Variants in DNAJC13 observed in about 807,000 individuals in gnomAD.
DNAJC13 encodes the protein DnaJ heat shock protein family (Hsp40) member C13, also known as dnaJ homolog subfamily C member 13.
Under a neutral mutation model 290.5 loss-of-function variants are expected in DNAJC13, and 75 were observed. That is an observed-to-expected ratio of 0.26 (90% CI 0.21 to 0.31). The LOEUF (loss-of-function observed/expected upper bound fraction) is 0.31. DNAJC13 is among the 10% of genes least tolerant of loss of function. The probability of loss-of-function intolerance (pLI) is 1.00; values close to 1 mark genes in which losing one functional copy is unlikely to be tolerated. For missense variants in DNAJC13, 2,260 were observed against 2,674.5 expected, an observed-to-expected ratio of 0.85 and a Z score of 3.42; for synonymous variants, 862 against 892.0, an observed-to-expected ratio of 0.97 and a Z score of 0.60.
chr3:132,496,976 G>T (rs527894816), intron 36 of DNAJC13, among the ~76,000 whole-genome samples: 1 of 152,130 alleles, frequency 6.6e-6, no homozygotes, highest in Non-Finnish European at 1.5e-5. Flanking sequence ...AGACAGAATG[G>T]AATCTGGAAT....
At chr3:132,513,631 A>G (rs1474921020) in intron 45 of DNAJC13, among the ~76,000 whole-genome samples, 5 of 152,172 alleles carry the variant, frequency 3.3e-5, no homozygotes, top group Non-Finnish European at 5.9e-5. Flanking sequence ...GGAGTTGCCT[A>G]AAAAGGCCAA....
intron 43 of DNAJC13, among the ~76,000 whole-genome samples, chr3:132,507,953 G>C (rs965056250): frequency 4.6e-5 from 7 of 152,192 alleles, no homozygotes; most frequent in Non-Finnish European, 1.0e-4. Flanking sequence ...TGCCTCTTGT[G>C]CCACACAGCC....
At chr3:132,418,982 G>T (rs1353634472) in intron 1 of DNAJC13, among the ~76,000 whole-genome samples, 3 of 152,152 alleles carry the variant, frequency 2.0e-5, no homozygotes, top group Non-Finnish European at 4.4e-5. Context: ...TTGATTTTTG[G>T]AAAGTACTTT....
Position 132,493,075 on chromosome 3 carries a change from T to C in DNAJC13, c.3825+460T>C, listed in dbSNP as rs539078086. Among the ~76,000 whole-genome samples, 17 of 152,182 alleles carry C rather than the reference T, an allele frequency of 1.1e-4. No homozygotes were observed. In the South Asian group the frequency reaches 2.9e-3, roughly 26 times the overall value. On this transcript the variant is annotated intron_variant, in intron 33 of 55. Coordinates refer to ENST00000260818, the MANE Select transcript of DNAJC13 (RefSeq NM_015268.4). ...AACTTCAGTTCTCATCTCTAAAATA[T>C]TGGTAATAATAGCAGCTATCTGGTG...
intron 3 of DNAJC13, among the ~76,000 whole-genome samples, 175 bp downstream of exon 3, chr3:132,446,725 T>C (rs1933253322): frequency 7.6e-6 from 1 of 130,938 alleles, no homozygotes; most frequent in Non-Finnish European, 1.6e-5. Context: ...AAATAATAAA[T>C]AAACAGGAGG....
In DNAJC13 at chr3:132,508,017, A is replaced by G. The variant is rs556966066; in HGVS notation, c.5115+664A>G. Among the ~76,000 whole-genome samples, 6 of 152,348 alleles carry G rather than the reference A, an allele frequency of 3.9e-5. No homozygotes were observed. The East Asian group carries it at 5.8e-4, about 15-fold the overall frequency. On this transcript the variant is annotated intron_variant, in intron 43 of 55. Transcript: ENST00000260818. ...GAAGGAAATTAAAAGTGCTCCTCCA[A>G]TGAATACATGAATGACAAGAAATTG...
At position 132,434,636 on chromosome 3, in the gene DNAJC13, G is replaced by GTT; in HGVS notation, c.68+26_68+27dup. On this transcript the variant is annotated intron_variant, in intron 2 of 55. Coordinates refer to ENST00000260818, the MANE Select transcript of DNAJC13 (RefSeq NM_015268.4). ...AGGGGGAAGTAAGTATTCTTGTTGGGTTTTTTTTTCTGTGCTTCTATAAAA... is the reference window on the plus strand; with the variant it reads ...AGGGGGAAGTAAGTATTCTTGTTGGGTTTTTTTTTTTCTGTGCTTCTATAAAA... 3 of 1,558,284 alleles carry GTT rather than the reference G, an allele frequency of 1.9e-6. No homozygotes were observed. The highest frequency in any genetic ancestry group is 1.2e-5 in the South Asian group (1 of 84,578).
chr3:132,454,314 A>ATTTTTTTTT (rs71622093), intron 9 of DNAJC13, among the ~76,000 whole-genome samples, 157 bp downstream of exon 9: 4 of 86,122 alleles, frequency 4.6e-5, no homozygotes, highest in Non-Finnish European at 6.4e-5. Flanking sequence ...CCCATTTTCA[A>ATTTTTTTTT]TTTTTTTTTT....
At chr3:132,485,657 C>A (rs963207807) in intron 29 of DNAJC13, among the ~76,000 whole-genome samples, 1 of 152,172 alleles carries the variant, frequency 6.6e-6, no homozygotes, top group East Asian at 1.9e-4. Flanking sequence ...CAGGGGTGGA[C>A]TTGGTGGTTC....
At position 132,477,995 on chromosome 3, in the gene DNAJC13, A is replaced by G. The variant is rs387907571; in HGVS notation, c.2564A>G (p.Asn855Ser). ...GSIKRSYEFF[N>S]ELYHRFLLTP... ...TTAAAATCTAGGTATGAATTTTTCA[A>G]TGAGCTTTATCATCGCTTCTTGCTC... is the stretch of plus-strand genomic sequence containing the variant. Residue 855 changes from asparagine to serine, a missense_variant, in exon 24 of 56, where the codon AAT becomes AGT. Asn to Ser is a conservative substitution (Grantham distance 46, BLOSUM62 1). Around this residue, in one of 3 missense-constraint regions of DNAJC13, gnomAD observed 1,494 missense variants for 1,693.7 expected, o/e 0.88. Transcript: ENST00000260818. 26 of 1,601,840 alleles carry G rather than the reference A, an allele frequency of 1.6e-5. No homozygotes were observed. The highest frequency in any genetic ancestry group is 3.5e-5 in the Admixed American group (2 of 57,018).
At chr3:132,463,231 G>A (rs560726567) in intron 16 of DNAJC13, among the ~76,000 whole-genome samples, 1 of 152,210 alleles carries the variant, frequency 6.6e-6, no homozygotes, top group African/African-American at 2.4e-5. Flanking sequence ...TTAAGTAGCT[G>A]TAAATATATA....
intron 1 of DNAJC13, among the ~76,000 whole-genome samples, chr3:132,427,737 T>G (rs745664348): frequency 6.6e-6 from 1 of 152,166 alleles, no homozygotes; most frequent in Non-Finnish European, 1.5e-5. Context: ...AATGCTGTAT[T>G]AGGTACAAGA....
rs1403981080 is a variant in DNAJC13, at chr3:132,514,621, A to G, written c.5436A>G (p.Glu1812=). The change falls in exon 46 of 56, where the codon GAA becomes GAG. Residue 1812 remains glutamate (E), a synonymous_variant. Coordinates refer to ENST00000260818, the MANE Select transcript of DNAJC13 (RefSeq NM_015268.4). ...SNQDCVNNIA[E]SMVLSSLLAL... is the part of the protein sequence containing the mutation. ...AAGACTGTGTCAACAATATTGCTGA[A>G]TCAATGGTTTTGTCCAGTTTATTGG... 6.2e-7 allele frequency: 1 copy of G among 1,612,052 alleles called. No individual in the cohort carries two copies. The highest frequency in any genetic ancestry group is 1.3e-5 in the African/African-American group (1 of 74,822).
chr3:132,467,744 C>T (rs1002740196), intron 20 of DNAJC13, among the ~76,000 whole-genome samples: 21 of 152,206 alleles, frequency 1.4e-4, no homozygotes, highest in African/African-American at 2.6e-4. Context: ...GGATTACAGG[C>T]GTGAGCCACC....
chr3:132,468,384 G>A (rs1335213552), intron 20 of DNAJC13, among the ~76,000 whole-genome samples: 1 of 152,188 alleles, frequency 6.6e-6, no homozygotes, highest in Non-Finnish European at 1.5e-5. Context: ...GAATACGTAA[G>A]CATAGCAGAA....
intron 19 of DNAJC13, among the ~76,000 whole-genome samples, chr3:132,466,637 T>C (rs747882621): frequency 6.6e-6 from 1 of 152,220 alleles, no homozygotes; most frequent in Non-Finnish European, 1.5e-5. Flanking sequence ...CACAAATTAA[T>C]GTTATGAATA....
chr3:132,417,996 C>CT lies in DNAJC13; in HGVS notation c.-14+244dup, dbSNP rs934162144. On this transcript the variant is annotated intron_variant, in intron 1 of 55. Transcript: ENST00000260818. Reference sequence around the variant, plus strand: ...GGCGCTGCCCTGTCCAGCCCCACCCCTTTTTTTTGCTTGTTTTATACCTAG... The same window carrying CT: ...GGCGCTGCCCTGTCCAGCCCCACCCCTTTTTTTTTGCTTGTTTTATACCTAG... Among the ~76,000 whole-genome samples, 29 of 152,048 alleles carry CT rather than the reference C, an allele frequency of 1.9e-4. No homozygotes were observed. In the South Asian group the frequency reaches 2.1e-3, roughly 11 times the overall value.
At chr3:132,510,797 G>A (rs1159947845) in intron 43 of DNAJC13, among the ~76,000 whole-genome samples, 1 of 151,980 alleles carries the variant, frequency 6.6e-6, no homozygotes, top group African/African-American at 2.4e-5. Context: ...CATACTATCT[G>A]TTACTTCGAT....
rs1372332880 is a variant in DNAJC13, at chr3:132,528,236, C to T, written c.6429C>T (p.Gly2143=). The T allele has an allele frequency of 1.9e-6, 3 of 1,614,140 alleles. No individual in the cohort carries two copies. The highest frequency in any genetic ancestry group is 1.7e-5 in the Admixed American group (1 of 60,016). The change falls in exon 54 of 56, where the codon GGC becomes GGT. Residue 2143 remains glycine (G), a synonymous_variant. Coordinates refer to ENST00000260818, the MANE Select transcript of DNAJC13 (RefSeq NM_015268.4). ...LVPYLLKLLE[G]IGLENLDSPA... The stretch of plus-strand genomic sequence containing the variant: ...CATACCTCTTAAAATTACTCGAAGG[C>T]ATTGGCCTTGAAAACCTGGACAGCC...
Sources: allele counts gnomAD v4.1 joint callset (sites outside exome capture counted in the v4.1 genomes callset), GRCh38; gene constraint gnomAD v4.1.1; regional missense constraint gnomAD v4.1.1; transcripts MANE v1.5; gene names NCBI Gene and HGNC (gene_info 2026-07-23, HGNC 2026-07-21).